The following GFRAL variants were observed in gnomAD, a reference collection of about 807,000 sequenced individuals.
GFRAL encodes GDNF family receptor alpha-like.
A neutral mutation model predicts 45.4 loss-of-function variants in GFRAL; 36 were observed. The observed-to-expected ratio is 0.79, with a 90% CI of 0.61 to 1.05. The LOEUF (loss-of-function observed/expected upper bound fraction) is 1.05. Among genes scored for constraint, GFRAL ranks in the 50% least tolerant of loss-of-function variants. The pLI is 0.00. For missense variants in GFRAL, 507 were observed against 467.5 expected (o/e 1.08, Z -0.78); for synonymous variants, 166 against 154.1 (o/e 1.08, Z -0.57).
At chr6:55,388,997 C>A (rs1488485120) in intron 6 of GFRAL, among the ~76,000 whole-genome samples, 3 of 152,092 alleles carry the variant, frequency 2.0e-5, no homozygotes, top group Admixed American at 6.6e-5. Context: ...TTCTCTTTCT[C>A]TTTTTCATTT....
chr6:55,351,322 A>T lies in GFRAL; in HGVS notation c.440A>T (p.Gln147Leu), dbSNP rs761253451. The T allele has an allele frequency of 6.2e-6, 10 of 1,613,474 alleles. No individual in the cohort carries two copies. The highest frequency in any genetic ancestry group is 3.3e-5 in the Admixed American group (2 of 59,902). ...ACVGDVVCNA[Q>L]LASYLKACSA... ...GTAGGGGATGTGGTCTGTAATGCACAGTTGGCCTCTTACCTTAAAGCTTGC... is the reference window on the plus strand; with the variant it reads ...GTAGGGGATGTGGTCTGTAATGCACTGTTGGCCTCTTACCTTAAAGCTTGC... Residue 147 changes from glutamine (Q) to leucine (L), a missense_variant, in exon 5 of 9, where the codon CAG becomes CTG. Physicochemically the swap from Gln to Leu is moderately radical, Grantham distance 113. Coordinates refer to ENST00000340465, the MANE Select transcript of GFRAL (RefSeq NM_207410.2).
rs193127990 is a variant in GFRAL, at chr6:55,341,261, G to A, written c.316+7317G>A. On this transcript the variant is annotated intron_variant, in intron 3 of 8. Coordinates refer to ENST00000340465, the MANE Select transcript of GFRAL (RefSeq NM_207410.2). ...CCCTGACCCCCAAGTAGCCTAACTG[G>A]GAGGCACCCTCCAGTAGGGGCAGAC... 2.6e-4 allele frequency among the ~76,000 whole-genome samples: 39 copies of A among 152,316 alleles called. 1 individual carries two copies. The highest frequency in any genetic ancestry group is 9.1e-4 in the African/African-American group (38 of 41,570).
intron 6 of GFRAL, among the ~76,000 whole-genome samples, chr6:55,373,980 A>G (rs1581754002): frequency 6.6e-6 from 1 of 152,208 alleles, no homozygotes; most frequent in East Asian, 1.9e-4. Context: ...GCTCCCACTT[A>G]TAAGTGAGCA....
At chr6:55,364,920 G>A (rs1232969702) in intron 6 of GFRAL, among the ~76,000 whole-genome samples, 3 of 151,942 alleles carry the variant, frequency 2.0e-5, no homozygotes, top group African/African-American at 7.3e-5. Flanking sequence ...TTGGTGATGC[G>A]GGCTCTTTTT....
At chr6:55,377,497 C>T (rs535445699) in intron 6 of GFRAL, among the ~76,000 whole-genome samples, 1 of 152,160 alleles carries the variant, frequency 6.6e-6, no homozygotes, top group East Asian at 1.9e-4. Flanking sequence ...TCTAAGTTTA[C>T]AGATGCTTCT....
intron 6 of GFRAL, among the ~76,000 whole-genome samples, chr6:55,361,872 G>A (rs1747770654): frequency 6.6e-6 from 1 of 151,950 alleles, no homozygotes; most frequent in Admixed American, 6.6e-5. Flanking sequence ...GAACTGAGTG[G>A]AACTGAGAGG....
At chr6:55,350,794 T>C (rs1768106591) in intron 4 of GFRAL, among the ~76,000 whole-genome samples, 1 of 152,184 alleles carries the variant, frequency 6.6e-6, no homozygotes, top group Admixed American at 6.6e-5. Context: ...CTTGTGTATC[T>C]GTAGGAGTAT....
At chr6:55,369,862 G>A (rs946566134) in intron 6 of GFRAL, among the ~76,000 whole-genome samples, 13 of 151,864 alleles carry the variant, frequency 8.6e-5, no homozygotes, top group South Asian at 2.1e-4. Flanking sequence ...TGCTTCTTTA[G>A]TCTCAGTAAA....
intron 5 of GFRAL, among the ~76,000 whole-genome samples, chr6:55,356,529 G>A (rs567563528): frequency 4.6e-5 from 7 of 151,844 alleles, no homozygotes; most frequent in Admixed American, 3.9e-4. Flanking sequence ...ATGATCCTTC[G>A]AATTTCTGTG....
intron 6 of GFRAL, among the ~76,000 whole-genome samples, chr6:55,389,102 T>G (rs896377069): frequency 6.6e-6 from 1 of 152,158 alleles, no homozygotes; most frequent in Non-Finnish European, 1.5e-5. Flanking sequence ...TTTTAAAAAT[T>G]TTATGTTAAG....
At chr6:55,349,591 G>A (rs867872873) in intron 3 of GFRAL, among the ~76,000 whole-genome samples, 12 of 152,048 alleles carry the variant, frequency 7.9e-5, no homozygotes, top group Admixed American at 1.3e-4. Context: ...GTTCATTTTC[G>A]TTGATGAGAT....
intron 2 of GFRAL, among the ~76,000 whole-genome samples, chr6:55,332,743 AAT>A (rs1367508664): frequency 7.2e-5 from 11 of 152,132 alleles, no homozygotes; most frequent in Non-Finnish European, 1.5e-4. Context: ...AAAAAGAAAA[AAT>A]ATATATATTT....
At chr6:55,384,164 C>T (rs557905869) in intron 6 of GFRAL, among the ~76,000 whole-genome samples, 1 of 151,778 alleles carries the variant, frequency 6.6e-6, no homozygotes, top group East Asian at 1.9e-4. Context: ...GGAGAAATAC[C>T]TAATGTAGAT....
chr6:55,386,040 C>T (rs1768677946), intron 6 of GFRAL, among the ~76,000 whole-genome samples: 1 of 151,962 alleles, frequency 6.6e-6, no homozygotes, highest in South Asian at 2.1e-4. Flanking sequence ...AGACAAGTAG[C>T]CCACCAATAA....
Position 55,351,348 on chromosome 6 carries a change from T to C in GFRAL, c.466T>C (p.Ser156Pro). 6.2e-7 allele frequency: 1 copy of C among 1,613,678 alleles called. No individual in the cohort carries two copies. The highest frequency in any genetic ancestry group is 8.5e-7 in the Non-Finnish European group (1 of 1,179,716). ...GTTGGCCTCTTACCTTAAAGCTTGC[T>C]CAGCAAATGGAAATCCGTGTGATCT... ...AQLASYLKACSANGNPCDLKQ... is the reference protein window; with the variant it reads ...AQLASYLKACPANGNPCDLKQ... Residue 156 changes from serine (S) to proline (P), a missense_variant, in exon 5 of 9, where the codon TCA (serine) becomes CCA (proline). By Grantham distance (74) the Ser-to-Pro change is moderately conservative. Transcript: ENST00000340465.
intron 6 of GFRAL, among the ~76,000 whole-genome samples, chr6:55,363,617 G>C (rs1294004640): frequency 5.8e-5 from 7 of 120,666 alleles, no homozygotes; most frequent in Non-Finnish European, 1.1e-4. Context: ...TCCCCAGAGT[G>C]TGATATTCCC....
intron 1 of GFRAL, among the ~76,000 whole-genome samples, chr6:55,329,374 A>G (rs936973931): frequency 6.6e-6 from 1 of 152,168 alleles, no homozygotes; most frequent in Non-Finnish European, 1.5e-5. Flanking sequence ...AACATGTAGT[A>G]TTTCTAAGTG....
At chr6:55,368,762 G>A (rs1326791290) in intron 6 of GFRAL, among the ~76,000 whole-genome samples, 3 of 152,182 alleles carry the variant, frequency 2.0e-5, no homozygotes, top group African/African-American at 7.2e-5. Context: ...TTGGGGGTCA[G>A]GGGTCAGGGA....
chr6:55,339,676 A>C (rs150666648), intron 3 of GFRAL, among the ~76,000 whole-genome samples: 1,991 of 152,258 alleles, frequency 0.013, 23 homozygotes, highest in Non-Finnish European at 0.022. Context: ...AAAGATAGGG[A>C]CTGATAATGG....
Sources: gnomAD v4.1 joint callset for allele counts (sites outside exome capture counted in the v4.1 genomes callset) on GRCh38, gnomAD v4.1.1 for gene constraint, MANE v1.5 for transcripts, NCBI Gene and HGNC (gene_info 2026-07-23, HGNC 2026-07-21) for gene names.